The following HEXA variants were observed in gnomAD, a reference collection of about 807,000 sequenced individuals.
The protein encoded by HEXA is beta-hexosaminidase subunit alpha.
A neutral mutation model predicts 73.3 loss-of-function variants in HEXA; 54 were observed. The observed-to-expected ratio is 0.74, with a 90% CI of 0.59 to 0.92. The LOEUF (loss-of-function observed/expected upper bound fraction) is 0.92, where lower values mean the gene tolerates loss of function less well. Among genes scored for constraint, HEXA ranks in the 40% least tolerant of loss-of-function variants. The pLI, the probability that HEXA is intolerant of heterozygous loss-of-function variation, is 0.00. For missense variants in HEXA, 649 were observed against 653.0 expected (o/e 0.99, Z 0.07); for synonymous variants, 230 against 246.9 (o/e 0.93, Z 0.64).
At chr15:72,375,570 G>T in intron 1 of HEXA, 150 bp downstream of exon 1, 2 of 809,092 alleles carry the variant, frequency 2.5e-6, no homozygotes, top group Non-Finnish European at 4.0e-6. Flanking sequence ...ATCTTTGGAT[G>T]AAAACCTAAT....
intron 8 of HEXA, 73 bp downstream of exon 8, chr15:72,349,006 C>T: frequency 8.0e-7 from 1 of 1,254,494 alleles, no homozygotes; most frequent in Non-Finnish European, 1.2e-6. Flanking sequence ...AGCTAAGCAG[C>T]CCCTCGGGTG....
chr15:72,367,580 C>G (rs776891978), intron 1 of HEXA, among the ~76,000 whole-genome samples: 2 of 152,208 alleles, frequency 1.3e-5, no homozygotes, highest in African/African-American at 4.8e-5. Flanking sequence ...TTAGTCACAT[C>G]ACTTATCCTG....
rs757357289 is a variant in HEXA, at chr15:72,344,059, C to A, written c.*18G>T. On this transcript the variant is annotated 3_prime_UTR_variant, in exon 14 of 14. Transcript: ENST00000268097. ...CTACCATTCACCTACAGCCAGCACC[C>A]TCCTCGGTGCCTGGGGCTCAGGTCT... 62 of 1,610,182 alleles carry A rather than the reference C, an allele frequency of 3.9e-5. No individual in the cohort carries two copies. The highest frequency in any genetic ancestry group is 4.8e-5 in the Non-Finnish European group (56 of 1,176,692).
rs2088613467 is a variant in HEXA at position 72,346,340 on chromosome 15, G to A, written c.1331-15C>T. On this transcript the variant is annotated splice_polypyrimidine_tract_variant and intron_variant, in intron 11 of 13. Transcript: ENST00000268097. Reference sequence around the variant, plus strand: ...CTCAGGGGTACCTGAGGGAAAACAAGCAACAACAGTCTGGTGATGGTGGGG... The same window carrying A: ...CTCAGGGGTACCTGAGGGAAAACAAACAACAACAGTCTGGTGATGGTGGGG... 9 of 1,606,798 alleles carry A rather than the reference G, an allele frequency of 5.6e-6. No individual in the cohort carries two copies. Among genetic ancestry groups the A allele is most frequent in the Non-Finnish European group, 7.7e-6 (9 of 1,173,554 alleles).
intron 1 of HEXA, among the ~76,000 whole-genome samples, chr15:72,363,402 T>G (rs2088876991): frequency 6.6e-6 from 1 of 152,182 alleles, no homozygotes; most frequent in South Asian, 2.1e-4. Flanking sequence ...GACCTCTGAG[T>G]GGGATCTTGA....
At chr15:72,355,143 A>C in intron 3 of HEXA, 1 of 296,666 alleles carries the variant, frequency 3.4e-6, no homozygotes, top group South Asian at 3.2e-5. Flanking sequence ...CTAGGGCAGC[A>C]GCAGTTGCTG....
chr15:72,368,539 C>T (rs28479635), intron 1 of HEXA, among the ~76,000 whole-genome samples: 1,780 of 152,278 alleles, frequency 0.012, 29 homozygotes, highest in African/African-American at 0.04. Flanking sequence ...AGTTTCCTTC[C>T]GTGTTCTACT....
At chr15:72,363,938 C>T (rs972523843) in intron 1 of HEXA, among the ~76,000 whole-genome samples, 3 of 152,014 alleles carry the variant, frequency 2.0e-5, no homozygotes, top group Non-Finnish European at 4.4e-5. Context: ...TTTGTAAATA[C>T]ATAAATTTAT....
In HEXA at chr15:72,345,209, C is replaced by A. The variant is rs111827252; in HGVS notation, c.1526+237G>T. On this transcript the variant is annotated intron_variant, in intron 13 of 13. Transcript: ENST00000268097. ...GATCTTAGATTACTTATACCTAATACAATATAAATGCTATGTAAATAGTTG... is the reference window on the plus strand; with the variant it reads ...GATCTTAGATTACTTATACCTAATAAAATATAAATGCTATGTAAATAGTTG... 2.2e-4 allele frequency: 141 copies of A among 637,404 alleles called. 2 individuals are homozygous for A. Among genetic ancestry groups the A allele is most frequent in the African/African-American group, 2.0e-3 (109 of 54,510 alleles). 39.5% of individuals were successfully genotyped at this position (637,404 alleles called of 1,614,324 possible). A position where few individuals can be genotyped will look rare whatever the true frequency, so the allele number is the denominator to read the frequency against.
chr15:72,367,028 C>T (rs945778159), intron 1 of HEXA, among the ~76,000 whole-genome samples: 3 of 152,066 alleles, frequency 2.0e-5, no homozygotes, highest in Non-Finnish European at 4.4e-5. Context: ...ACTGCAACCT[C>T]CACCTCCTGG....
At chr15:72,351,624 T>C in intron 5 of HEXA, 1 of 313,894 alleles carries the variant, frequency 3.2e-6, no homozygotes, top group Admixed American at 4.5e-5. Flanking sequence ...AGCCCAACTG[T>C]GAGACCTCCT....
At chr15:72,352,664 ATTT>A (rs1555473007) in intron 5 of HEXA, among the ~76,000 whole-genome samples, 4 of 42,896 alleles carry the variant, frequency 9.3e-5, no homozygotes, top group Non-Finnish European at 3.9e-4. Flanking sequence ...ATTACATACA[ATTT>A]TTTTTTTTTT....
At chr15:72,344,311 G>C (rs2088583562) in intron 13 of HEXA, among the ~76,000 whole-genome samples, 171 bp from the exon 14 acceptor site, 1 of 152,102 alleles carries the variant, frequency 6.6e-6, no homozygotes, top group South Asian at 2.1e-4. Context: ...CCTGGGGTGG[G>C]GCAAAGTATT....
At chr15:72,344,283 C>T in intron 13 of HEXA, 143 bp from the exon 14 acceptor site, 2 of 696,982 alleles carry the variant, frequency 2.9e-6, no homozygotes, top group Non-Finnish European at 5.2e-6. Context: ...CTGGGAATCT[C>T]AATTCCAGAG....
intron 12 of HEXA, chr15:72,345,976 C>T (rs1595796624): frequency 3.5e-6 from 2 of 564,386 alleles, no homozygotes; most frequent in African/African-American, 3.8e-5. Flanking sequence ...CTATGTTCTC[C>T]AGGCCTCATT....
At chr15:72,366,523 C>G (rs1194848316) in intron 1 of HEXA, among the ~76,000 whole-genome samples, 1 of 152,018 alleles carries the variant, frequency 6.6e-6, no homozygotes. Context: ...ATTAGCCAAG[C>G]TGGTCTCGAA....
chr15:72,345,357 T>C, intron 13 of HEXA, 89 bp downstream of exon 13: 2 of 1,578,808 alleles, frequency 1.3e-6, no homozygotes, highest in Non-Finnish European at 1.7e-6. Flanking sequence ...GTGTTAGCTA[T>C]TGTTAATTAT....
intron 11 of HEXA, 48 bp downstream of exon 11, chr15:72,346,478 GC>G (rs2088615371): frequency 1.9e-6 from 3 of 1,588,520 alleles, no homozygotes; most frequent in South Asian, 1.1e-5. Flanking sequence ...CCCATCCTGT[GC>G]CCCAACCCAG....
intron 1 of HEXA, chr15:72,357,789 A>G (rs998297550): frequency 6.6e-6 from 1 of 152,192 alleles, no homozygotes; most frequent in African/African-American, 2.4e-5. Context: ...CCTCTTGAGC[A>G]CTACCACATG....
Sources: gnomAD v4.1 joint callset for allele counts (sites outside exome capture counted in the v4.1 genomes callset) on GRCh38, gnomAD v4.1.1 for gene constraint, MANE v1.5 for transcripts, NCBI Gene and HGNC (gene_info 2026-07-23, HGNC 2026-07-21) for gene names.